Variants in CABIN1 observed in about 807,000 individuals in gnomAD.
The protein encoded by CABIN1 is calcineurin-binding protein cabin-1.
Under a neutral mutation model 227.7 loss-of-function variants are expected in CABIN1, and 133 were observed. The observed-to-expected ratio is 0.58, with a 90% CI of 0.51 to 0.67. CABIN1 has a LOEUF of 0.67. CABIN1 is among the 30% of genes least tolerant of loss of function. CABIN1 has a pLI of 0.00. For missense variants in CABIN1, 2,408 were observed against 2,852.5 expected (o/e 0.84, Z 3.55); for synonymous variants, 1,086 against 1,155.1 (o/e 0.94, Z 1.21).
In CABIN1 at chr22:24,177,729, T is replaced by TC. The variant is rs1308090209; in HGVS notation, c.6437dup (p.Glu2147Ter). 1 of 1,610,964 alleles carries TC rather than the reference T, an allele frequency of 6.2e-7. No homozygotes were observed. The highest frequency in any genetic ancestry group is 8.5e-7 in the Non-Finnish European group (1 of 1,178,550). ...GTCATCCCCTCCGCCGCCACCAAGT[T>TC]CCCCCCTGAGATCACCGTCACGCCA... is the stretch of plus-strand genomic sequence containing the variant. On this transcript the variant is annotated frameshift_variant, in exon 36 of 37. Transcript: ENST00000263119. LOFTEE classifies it high-confidence loss of function. The surrounding 1 kb of genome is among the most constrained non-coding windows in gnomAD (Gnocchi z 4.4).
chr22:24,067,315 C>T, intron 16 of CABIN1, 134 bp downstream of exon 16: 1 of 920,054 alleles, frequency 1.1e-6, no homozygotes, highest in Non-Finnish European at 1.7e-6. Flanking sequence ...ACCACTAAGC[C>T]CCCAGGAAGA....
chr22:24,060,246 T>C (rs1013096224), intron 12 of CABIN1, 105 bp downstream of exon 12: 64 of 1,127,656 alleles, frequency 5.7e-5, no homozygotes, highest in Admixed American at 4.0e-5. Flanking sequence ...TGCATCTACT[T>C]GTGGGCCTGG....
At chr22:24,040,094 G>A (rs1247937490) in intron 4 of CABIN1, among the ~76,000 whole-genome samples, 1 of 152,190 alleles carries the variant, frequency 6.6e-6, no homozygotes, top group Non-Finnish European at 1.5e-5. Flanking sequence ...TGTTTAGTTC[G>A]AAGTAGACTC....
At chr22:24,164,028 C>T (rs939397274) in intron 29 of CABIN1, among the ~76,000 whole-genome samples, 1 of 152,238 alleles carries the variant, frequency 6.6e-6, no homozygotes, top group African/African-American at 2.4e-5. Flanking sequence ...AACAAATGGT[C>T]TGGTGGCTGG....
At chr22:24,100,264 G>A (rs1326500502) in intron 26 of CABIN1, among the ~76,000 whole-genome samples, 1 of 152,212 alleles carries the variant, frequency 6.6e-6, no homozygotes, top group African/African-American at 2.4e-5. Context: ...CCCAGGCCTG[G>A]CTGCATAATG....
chr22:24,085,286 G>A, intron 22 of CABIN1, 135 bp downstream of exon 22: 1 of 960,750 alleles, frequency 1.0e-6, no homozygotes, highest in Non-Finnish European at 1.6e-6. Context: ...GAATGAGAGG[G>A]TGGTTTAGCA....
intron 19 of CABIN1, among the ~76,000 whole-genome samples, chr22:24,076,989 T>C (rs2040487828): frequency 6.6e-6 from 1 of 152,214 alleles, no homozygotes; most frequent in Non-Finnish European, 1.5e-5. Flanking sequence ...TGCCCATTCA[T>C]TTACATATTA....
At position 24,176,205 on chromosome 22, in the gene CABIN1, C is replaced by T; in HGVS notation, c.6135C>T (p.Ser2045=). The part of the protein sequence containing the change: ...SPQVKMAPTS[S]PAEPHCWPAE... ...AGGTGAAGATGGCCCCCACAAGTTC[C>T]CCGGCAGAGCCACACTGCTGGCCGG... The change falls in exon 35 of 37, where the codon TCC becomes TCT. Residue 2045 remains serine (S), a synonymous_variant. Coordinates refer to ENST00000263119, the MANE Select transcript of CABIN1 (RefSeq NM_012295.4). The T allele has an allele frequency of 6.2e-7, 1 of 1,610,822 alleles. No homozygotes were observed.
chr22:24,104,209 T>C (rs1190071630), intron 26 of CABIN1, among the ~76,000 whole-genome samples: 1 of 152,164 alleles, frequency 6.6e-6, no homozygotes, highest in Non-Finnish European at 1.5e-5. Flanking sequence ...CATCATCCTT[T>C]GAAGAGCCTT....
intron 23 of CABIN1, 42 bp from the exon 24 acceptor site, chr22:24,091,541 G>A: frequency 6.2e-7 from 1 of 1,613,920 alleles, no homozygotes; most frequent in Non-Finnish European, 8.5e-7. Flanking sequence ...CCCTGGGCAG[G>A]TTCAGGCGTA....
chr22:24,024,291 T>A (rs950019924), intron 1 of CABIN1, among the ~76,000 whole-genome samples: 1 of 152,186 alleles, frequency 6.6e-6, no homozygotes, highest in African/African-American at 2.4e-5. Context: ...GCATAAAAGT[T>A]TTACATTTTG....
chr22:24,082,974 A>C (rs1410086956), intron 19 of CABIN1, among the ~76,000 whole-genome samples: 1 of 152,240 alleles, frequency 6.6e-6, no homozygotes, highest in Non-Finnish European at 1.5e-5. Context: ...GTGTGCTGAA[A>C]GAAAGGCAGC....
At chr22:24,129,292 T>C (rs1232389170) in intron 28 of CABIN1, among the ~76,000 whole-genome samples, 1 of 152,170 alleles carries the variant, frequency 6.6e-6, no homozygotes, top group Non-Finnish European at 1.5e-5. Flanking sequence ...TTCCAGGAGC[T>C]ATGACAGTCA....
intron 27 of CABIN1, among the ~76,000 whole-genome samples, chr22:24,118,896 C>T (rs902832479): frequency 2.6e-5 from 4 of 152,214 alleles, no homozygotes; most frequent in Admixed American, 1.3e-4. Flanking sequence ...CATATAGCAG[C>T]GGCAACCCTG....
At chr22:24,110,362 A>C (rs2042742708) in intron 26 of CABIN1, among the ~76,000 whole-genome samples, 1 of 152,164 alleles carries the variant, frequency 6.6e-6, no homozygotes, top group African/African-American at 2.4e-5. Context: ...GTTTTCATTC[A>C]TTTCACTTTT....
intron 12 of CABIN1, among the ~76,000 whole-genome samples, chr22:24,061,550 T>C (rs1051359207): frequency 5.3e-5 from 8 of 152,230 alleles, no homozygotes; most frequent in Admixed American, 3.9e-4. Context: ...CTGTGCCCAA[T>C]GGGCAAGTGC....
Position 24,098,192 on chromosome 22 carries a change from G to T in CABIN1, c.4117G>T (p.Asp1373Tyr). Reference protein sequence around the residue: ...KKPHQQATPDDRSQDSTAVAL... With the variant: ...KKPHQQATPDYRSQDSTAVAL... ...ACCCCACCAGCAGGCAACGCCGGACGGTACAGTCCCTGTTCTCCCTACTGC... is the reference window on the plus strand; with the variant it reads ...ACCCCACCAGCAGGCAACGCCGGACTGTACAGTCCCTGTTCTCCCTACTGC... The change falls in exon 26 of 37, where the codon GAC becomes TAC. Residue 1373 changes from aspartate (D) to tyrosine (Y), a missense_variant and splice_region_variant. Asp to Tyr is a radical substitution (Grantham distance 160). This residue lies in a region of CABIN1 where 649 missense variants were observed against 910.3 expected (regional missense o/e 0.71). Transcript: ENST00000263119. 6.2e-7 allele frequency: 1 copy of T among 1,614,048 alleles called. No individual in the cohort carries two copies.
At chr22:24,112,405 C>A (rs1253762675) in intron 26 of CABIN1, among the ~76,000 whole-genome samples, 3 of 152,166 alleles carry the variant, frequency 2.0e-5, no homozygotes, top group Non-Finnish European at 4.4e-5. Flanking sequence ...GCTCAAATTC[C>A]TTTCATGTTA....
intron 1 of CABIN1, among the ~76,000 whole-genome samples, chr22:24,023,143 A>G (rs1311307957): frequency 6.6e-6 from 1 of 152,140 alleles, no homozygotes; most frequent in Non-Finnish European, 1.5e-5. Context: ...ATATCAAACA[A>G]TATTTGTACT....
Sources: gnomAD v4.1 joint callset for allele counts (sites outside exome capture counted in the v4.1 genomes callset) on GRCh38, gnomAD v4.1.1 for gene constraint, gnomAD v4.1.1 regional missense constraint, Gnocchi (gnomAD v3.1) non-coding constraint, MANE v1.5 for transcripts, NCBI Gene and HGNC (gene_info 2026-07-23, HGNC 2026-07-21) for gene names.